The following TAFA2 variants were observed in gnomAD, a reference collection of about 807,000 sequenced individuals.
TAFA2 encodes chemokine-like protein TAFA-2.
TAFA2 carries 7 observed loss-of-function variants against 18.8 expected under a neutral mutation model. That is an observed-to-expected ratio of 0.37 (90% CI 0.21 to 0.70). The LOEUF is 0.70. TAFA2 is among the 30% of genes least tolerant of loss of function. TAFA2 has a pLI of 0.53. For missense variants in TAFA2, 122 were observed against 158.1 expected (o/e 0.77, Z 1.23); for synonymous variants, 60 against 54.2 (o/e 1.11, Z -0.47).
chr12:62,036,844 T>A (rs1160662644), intron 1 of TAFA2, among the ~76,000 whole-genome samples: 1 of 152,238 alleles, frequency 6.6e-6, no homozygotes, highest in East Asian at 1.9e-4. Flanking sequence ...GTCTCCTGGC[T>A]GTACTAACTT....
chr12:61,908,904 T>C (rs1316055242), intron 1 of TAFA2, among the ~76,000 whole-genome samples: 2 of 152,164 alleles, frequency 1.3e-5, no homozygotes, highest in African/African-American at 4.8e-5. Flanking sequence ...TAAACCAAAA[T>C]GATATCAGCT....
chr12:61,747,520 G>T (rs1592362370), intron 4 of TAFA2, among the ~76,000 whole-genome samples: 1 of 148,810 alleles, frequency 6.7e-6, no homozygotes, highest in Admixed American at 6.7e-5. Flanking sequence ...ATACACCATG[G>T]AATACTATGC....
At chr12:61,955,784 A>G (rs1337886307) in intron 1 of TAFA2, among the ~76,000 whole-genome samples, 1 of 151,006 alleles carries the variant, frequency 6.6e-6, no homozygotes, top group African/African-American at 2.4e-5. Context: ...TCTTAATTTA[A>G]TGTACATGGT....
rs141111307 is a variant in TAFA2 at position 61,728,193 on chromosome 12, A to C, written c.385-17776T>G. On this transcript the variant is annotated intron_variant, in intron 4 of 4. Coordinates refer to ENST00000416284, the MANE Select transcript of TAFA2 (RefSeq NM_178539.5). Reference sequence around the variant, plus strand: ...CCATATGCTGATGAATAGAATGTATATTGTGCAGTTTTTGGATAGAATGTT... The same window carrying C: ...CCATATGCTGATGAATAGAATGTATCTTGTGCAGTTTTTGGATAGAATGTT... Among the ~76,000 whole-genome samples, 13 of 152,130 alleles carry C rather than the reference A, an allele frequency of 8.5e-5. No homozygotes were observed. The East Asian group carries it at 2.1e-3, about 25-fold the overall frequency.
chr12:61,836,756 TACACACACACAC>T (rs58707678), intron 2 of TAFA2, among the ~76,000 whole-genome samples: 3 of 119,842 alleles, frequency 2.5e-5, no homozygotes, highest in Non-Finnish European at 5.4e-5. Flanking sequence ...TATATATATA[TACACACACACAC>T]ACAAATACAT....
intron 4 of TAFA2, among the ~76,000 whole-genome samples, chr12:61,735,607 C>G (rs1868291528): frequency 6.6e-6 from 1 of 151,890 alleles, no homozygotes; most frequent in Admixed American, 6.6e-5. Context: ...TGAGTAACTT[C>G]TATTTATTCC....
At chr12:61,751,400 T>C (rs1287539792) in intron 4 of TAFA2, among the ~76,000 whole-genome samples, 1 of 152,050 alleles carries the variant, frequency 6.6e-6, no homozygotes, top group African/African-American at 2.4e-5. Flanking sequence ...ATTTTTCTTG[T>C]GAAAGAATAA....
At chr12:62,183,550 A>G (rs935863881) in intron 1 of TAFA2, among the ~76,000 whole-genome samples, 2 of 151,972 alleles carry the variant, frequency 1.3e-5, no homozygotes, top group Admixed American at 6.6e-5. Context: ...TGCCCGGCTG[A>G]TTTTTGTATT....
At chr12:61,956,093 A>AT (rs968322062) in intron 1 of TAFA2, among the ~76,000 whole-genome samples, 4 of 152,086 alleles carry the variant, frequency 2.6e-5, no homozygotes, top group Non-Finnish European at 5.9e-5. Flanking sequence ...TACTAGCTAG[A>AT]TTTTTTTCAA....
At chr12:61,874,912 G>GA (rs752563551) in intron 1 of TAFA2, among the ~76,000 whole-genome samples, 54 of 151,764 alleles carry the variant, frequency 3.6e-4, no homozygotes, top group South Asian at 6.2e-4. Flanking sequence ...TTTCGAACAG[G>GA]AATGCCATTA....
At chr12:61,735,417 G>A (rs1420839142) in intron 4 of TAFA2, among the ~76,000 whole-genome samples, 4 of 151,864 alleles carry the variant, frequency 2.6e-5, no homozygotes, top group Non-Finnish European at 5.9e-5. Flanking sequence ...CATAATAATT[G>A]TACATATTTA....
At chr12:61,972,590 A>C (rs1879287084) in intron 1 of TAFA2, among the ~76,000 whole-genome samples, 1 of 151,704 alleles carries the variant, frequency 6.6e-6, no homozygotes. Flanking sequence ...AGGAGGCTAG[A>C]AATGGGGAAA....
At chr12:61,840,544 T>C (rs1371886963) in intron 2 of TAFA2, among the ~76,000 whole-genome samples, 4 of 152,092 alleles carry the variant, frequency 2.6e-5, no homozygotes, top group Non-Finnish European at 5.9e-5. Flanking sequence ...AACCAGAGAA[T>C]AGACAATATG....
intron 1 of TAFA2, among the ~76,000 whole-genome samples, chr12:62,010,996 C>A (rs557630788): frequency 8.9e-6 from 1 of 112,938 alleles, no homozygotes; most frequent in South Asian, 2.7e-4. Flanking sequence ...CCGGCCACCC[C>A]GTCTGGGAAG....
intron 4 of TAFA2, among the ~76,000 whole-genome samples, chr12:61,711,870 G>A (rs975729392): frequency 6.6e-6 from 1 of 151,884 alleles, no homozygotes; most frequent in Non-Finnish European, 1.5e-5. Flanking sequence ...TGAGATTCTG[G>A]GAGCAGGAGA....
intron 1 of TAFA2, among the ~76,000 whole-genome samples, chr12:62,099,612 CA>C (rs1328664154): frequency 6.6e-6 from 1 of 152,104 alleles, no homozygotes; most frequent in African/African-American, 2.4e-5. Context: ...AATAGCAATG[CA>C]GTAAAATCTC....
At chr12:62,009,809 C>T (rs1233531107) in intron 1 of TAFA2, among the ~76,000 whole-genome samples, 2 of 152,142 alleles carry the variant, frequency 1.3e-5, no homozygotes, top group Non-Finnish European at 2.9e-5. Context: ...ACTCCTAGTC[C>T]ATGTTTTCTT....
chr12:62,171,918 T>G, intron 1 of TAFA2, among the ~76,000 whole-genome samples: 1 of 152,164 alleles, frequency 6.6e-6, no homozygotes, highest in East Asian at 1.9e-4. Flanking sequence ...CAAGGATAAA[T>G]ATATTTATCT....
At chr12:61,993,506 T>C (rs12817011) in intron 1 of TAFA2, among the ~76,000 whole-genome samples, 43,109 of 151,814 alleles carry the variant, frequency 0.28, 7,115 homozygotes, top group Non-Finnish European at 0.38. Context: ...AATGATGTAT[T>C]ACCTTGAAGA....
Sources: allele counts gnomAD v4.1 joint callset (sites outside exome capture counted in the v4.1 genomes callset), GRCh38; gene constraint gnomAD v4.1.1; transcripts MANE v1.5; gene names NCBI Gene and HGNC (gene_info 2026-07-23, HGNC 2026-07-21).